Variants in RGS5 observed in about 807,000 individuals in gnomAD.
The protein encoded by RGS5 is regulator of G protein signaling 5.
RGS5 carries 20 observed loss-of-function variants against 18.9 expected under a neutral mutation model. The ratio of observed to expected loss-of-function variants is 1.06; its 90% CI spans 0.74 to 1.54. The LOEUF (loss-of-function observed/expected upper bound fraction) is 1.54. Ranked by LOEUF, RGS5 falls within the 40% of genes most tolerant of loss-of-function variation. The pLI is 0.00. For missense variants in RGS5, 201 were observed against 211.8 expected, an observed-to-expected ratio of 0.95 and a Z score of 0.32; for synonymous variants, 57 against 76.2, an observed-to-expected ratio of 0.75 and a Z score of 1.31.
chr1:163,235,655 T>C (rs1647603908), intron 2 of RGS5, among the ~76,000 whole-genome samples: 1 of 152,232 alleles, frequency 6.6e-6, no homozygotes, highest in Admixed American at 6.5e-5. Context: ...AATGGCTGTG[T>C]TGGCAGCTGA....
chr1:163,317,451 T>C (rs1282496041), intron 1 of RGS5, among the ~76,000 whole-genome samples: 1 of 152,200 alleles, frequency 6.6e-6, no homozygotes, highest in Non-Finnish European at 1.5e-5. Context: ...CTGAGATCTA[T>C]TTCTATCCAC....
chr1:163,180,684 C>CTTTTTTTTT (rs1429373041), intron 1 of RGS5, among the ~76,000 whole-genome samples: 4 of 81,906 alleles, frequency 4.9e-5, no homozygotes, highest in South Asian at 9.2e-4. Flanking sequence ...AGCCCTTACC[C>CTTTTTTTTT]TGTTTTTTTT....
chr1:163,245,653 A>C (rs1647909130), intron 2 of RGS5, among the ~76,000 whole-genome samples: 1 of 152,232 alleles, frequency 6.6e-6, no homozygotes, highest in Non-Finnish European at 1.5e-5. Context: ...GTGTAAATTT[A>C]GATGTATTAT....
intron 2 of RGS5, among the ~76,000 whole-genome samples, chr1:163,292,954 C>T (rs190216973): frequency 7.3e-4 from 111 of 152,242 alleles, no homozygotes; most frequent in African/African-American, 2.5e-3. Context: ...AAATTTTCTC[C>T]TATTCTGTAG....
chr1:163,259,855 G>A (rs1337035491), intron 2 of RGS5: 1 of 151,084 alleles, frequency 6.6e-6, no homozygotes, highest in Non-Finnish European at 1.5e-5. Context: ...TGCTAGAGAG[G>A]ACTGCAGGTG....
chr1:163,246,966 T>C (rs1416849379), intron 2 of RGS5, among the ~76,000 whole-genome samples: 1 of 152,076 alleles, frequency 6.6e-6, no homozygotes, highest in Non-Finnish European at 1.5e-5. Flanking sequence ...TTACCCTAAG[T>C]CAATTAATGC....
intron 3 of RGS5, among the ~76,000 whole-genome samples, chr1:163,159,408 A>T (rs7527862): frequency 0.22 from 33,015 of 152,156 alleles, 6,109 homozygotes; most frequent in African/African-American, 0.51. Flanking sequence ...TAATTTGGGG[A>T]ACTAATAAAT....
In RGS5 at chr1:163,160,650, G is replaced by C. The variant is rs79809969; in HGVS notation, c.217+1265C>G. Among the ~76,000 whole-genome samples, 1,098 of 152,232 alleles carry C rather than the reference G, an allele frequency of 7.2e-3. 5 individuals are homozygous for C. The highest frequency in any genetic ancestry group is 0.011 in the Non-Finnish European group (761 of 68,010). On this transcript the variant is annotated intron_variant, in intron 3 of 4. Transcript: ENST00000313961. ...TAAGCAGAAGCTTATGACACCAAAA[G>C]CAAGACATAAGGAATGTTCATATAC...
At chr1:163,266,556 C>A (rs893827731) in intron 2 of RGS5, 1 of 152,068 alleles carries the variant, frequency 6.6e-6, no homozygotes, top group African/African-American at 2.4e-5. Flanking sequence ...AATGCCCATA[C>A]CCCTCAACTC....
intron 1 of RGS5, among the ~76,000 whole-genome samples, chr1:163,190,454 A>G (rs767126098): frequency 1.3e-5 from 2 of 152,224 alleles, no homozygotes; most frequent in Non-Finnish European, 2.9e-5. Flanking sequence ...GAAAAGTTCC[A>G]TAGTAAAATG....
intron 4 of RGS5, among the ~76,000 whole-genome samples, chr1:163,148,445 G>A (rs534039620): frequency 2.0e-5 from 3 of 152,122 alleles, no homozygotes; most frequent in East Asian, 1.9e-4. Flanking sequence ...TTGAGTGCTC[G>A]GTCGGTGCCA....
chr1:163,267,366 G>GT lies in RGS5; in HGVS notation c.-281+38866dup, dbSNP rs1648596876. 2 of 152,100 alleles carry GT rather than the reference G, an allele frequency of 1.3e-5. 1 individual carries two copies. The highest frequency in any genetic ancestry group is 4.1e-4 in the South Asian group (2 of 4,822). The allele number at this position is 152,100 out of a possible 1,614,324, so 9.4% of individuals were successfully genotyped here. ...AAATGTAAGAAGTAAATGTATGTTGGTTAAGCCACTCAGTCTATAGTGTTT... is the reference window on the plus strand; with the variant it reads ...AAATGTAAGAAGTAAATGTATGTTGGTTTAAGCCACTCAGTCTATAGTGTTT... On this transcript the variant is annotated intron_variant, in intron 2 of 5. Coordinates refer to the RGS5 transcript ENST00000618415.
intron 1 of RGS5, among the ~76,000 whole-genome samples, chr1:163,193,461 A>C (rs568542150): frequency 1.4e-5 from 2 of 147,834 alleles, no homozygotes; most frequent in South Asian, 4.6e-4. Context: ...CCTTGCAAAT[A>C]AATACTCTGT....
At chr1:163,244,944 C>T (rs1402561396) in intron 2 of RGS5, 1 of 152,162 alleles carries the variant, frequency 6.6e-6, no homozygotes, top group African/African-American at 2.4e-5. Flanking sequence ...TTTTCATATG[C>T]CATAAGGGCT....
chr1:163,285,930 A>G (rs530591092), intron 2 of RGS5, among the ~76,000 whole-genome samples: 3 of 152,066 alleles, frequency 2.0e-5, no homozygotes, highest in African/African-American at 7.2e-5. Flanking sequence ...TTTCTTAATA[A>G]TATTACCCAG....
intron 2 of RGS5, among the ~76,000 whole-genome samples, chr1:163,280,394 A>T (rs947303619): frequency 4.6e-5 from 7 of 152,166 alleles, no homozygotes; most frequent in Non-Finnish European, 7.4e-5. Flanking sequence ...CATCAACAGG[A>T]TGAAGGCCAA....
rs552036469 is a variant in RGS5 at position 163,217,359 on chromosome 1, C to T, written c.69+167G>A. ...GGAACACTGATTGTTGAAGAACGGTCCCTGAAAGACATCAGCATTGGCACT... is the reference window on the plus strand; with the variant it reads ...GGAACACTGATTGTTGAAGAACGGTTCCTGAAAGACATCAGCATTGGCACT... On this transcript the variant is annotated intron_variant, in intron 1 of 5. Transcript: ENST00000367903. Among the ~76,000 whole-genome samples, 6 of 152,250 alleles carry T rather than the reference C, an allele frequency of 3.9e-5. No individual in the cohort carries two copies. In the East Asian group the frequency reaches 7.7e-4, roughly 20 times the overall value.
At chr1:163,195,730 A>C (rs1443297797) in intron 1 of RGS5, among the ~76,000 whole-genome samples, 1 of 152,030 alleles carries the variant, frequency 6.6e-6, no homozygotes, top group Non-Finnish European at 1.5e-5. Flanking sequence ...AGTTTTATCA[A>C]AGGCCTTAGC....
chr1:163,186,746 T>C (rs1180562585), intron 1 of RGS5, among the ~76,000 whole-genome samples: 1 of 152,126 alleles, frequency 6.6e-6, no homozygotes, highest in East Asian at 1.9e-4. Flanking sequence ...TATGTGACCT[T>C]AGACAAGTCC....
Sources: allele counts gnomAD v4.1 joint callset (sites outside exome capture counted in the v4.1 genomes callset), GRCh38; gene constraint gnomAD v4.1.1; transcripts MANE v1.5; gene names NCBI Gene and HGNC (gene_info 2026-07-23, HGNC 2026-07-21).